Variants in TENM3 observed in about 807,000 individuals in gnomAD.
TENM3 encodes teneurin-3.
In TENM3, 63 loss-of-function variants were observed where a neutral mutation model predicts 255.1. The ratio of observed to expected loss-of-function variants is 0.25; its 90% CI spans 0.20 to 0.30. TENM3 has a LOEUF of 0.30. Among genes scored for constraint, TENM3 ranks in the 10% least tolerant of loss-of-function variants. TENM3 has a pLI of 1.00. For synonymous variants in TENM3, 1,306 were observed against 1,322.3 expected (o/e 0.99, Z 0.27); for missense variants, 2,929 against 3,461.1 (o/e 0.85, Z 3.86).
chr4:182,086,606 A>AT, the TENM3 span, among the ~76,000 whole-genome samples: 653 of 151,900 alleles, frequency 4.3e-3, 3 homozygotes, highest in Non-Finnish European at 6.9e-3. Flanking sequence ...TTTTTTCTTG[A>AT]TTTTTTGCTT....
chr4:181,915,309 A>C, the TENM3 span, among the ~76,000 whole-genome samples: 4 of 152,200 alleles, frequency 2.6e-5, no homozygotes, highest in Non-Finnish European at 5.9e-5. Context: ...TGTTTCCAGC[A>C]CATTCCCTTG....
chr4:182,105,214 A>G, the TENM3 span, among the ~76,000 whole-genome samples: 1 of 152,152 alleles, frequency 6.6e-6, no homozygotes, highest in Non-Finnish European at 1.5e-5. Flanking sequence ...CACTGTCTCA[A>G]ATAAAAATAA....
the TENM3 span, among the ~76,000 whole-genome samples, chr4:181,983,408 T>G: frequency 6.6e-6 from 1 of 152,130 alleles, no homozygotes; most frequent in Non-Finnish European, 1.5e-5. Flanking sequence ...ACACCCTTTC[T>G]CAGGATGACT....
At chr4:181,474,227 A>T in the TENM3 span, among the ~76,000 whole-genome samples, 5 of 152,082 alleles carry the variant, frequency 3.3e-5, 1 homozygote, top group Non-Finnish European at 7.4e-5. Flanking sequence ...TGACAGGTTG[A>T]TGGGTGCAGC....
At chr4:181,464,491 A>T in the TENM3 span, among the ~76,000 whole-genome samples, 10 of 152,188 alleles carry the variant, frequency 6.6e-5, no homozygotes, top group African/African-American at 2.4e-4. Context: ...ATTTTTCATT[A>T]GGCTAATTGT....
chr4:181,488,422 C>T, the TENM3 span, among the ~76,000 whole-genome samples: 1 of 152,114 alleles, frequency 6.6e-6, no homozygotes, highest in African/African-American at 2.4e-5. Context: ...GGATTTGAAA[C>T]AAACCACAGG....
At chr4:182,240,392 C>T (rs944613011), upstream of TENM3, among the ~76,000 whole-genome samples, 5 of 152,124 alleles carry the variant, frequency 3.3e-5, no homozygotes, top group African/African-American at 1.2e-4. Flanking sequence ...TATTTTCTCC[C>T]GGCTATCATC....
At chr4:181,675,625 T>A in the TENM3 span, among the ~76,000 whole-genome samples, 4 of 152,146 alleles carry the variant, frequency 2.6e-5, no homozygotes, top group Non-Finnish European at 5.9e-5. Context: ...GCAGAGACAC[T>A]CTAGGTCCTC....
the TENM3 span, among the ~76,000 whole-genome samples, chr4:181,593,745 G>A: frequency 6.6e-6 from 1 of 152,174 alleles, no homozygotes; most frequent in African/African-American, 2.4e-5. Flanking sequence ...GTCCAGCCTT[G>A]CCAGCAGGCC....
chr4:181,577,572 T>C, the TENM3 span, among the ~76,000 whole-genome samples: 1 of 152,176 alleles, frequency 6.6e-6, no homozygotes, highest in Admixed American at 6.5e-5. Context: ...GAGATAGACG[T>C]TGAACTTCTT....
At chr4:182,031,960 G>T in the TENM3 span, among the ~76,000 whole-genome samples, 2 of 152,122 alleles carry the variant, frequency 1.3e-5, no homozygotes, top group African/African-American at 4.8e-5. Context: ...GGGCTCAGAC[G>T]ATGGGGTTTT....
the TENM3 span, among the ~76,000 whole-genome samples, chr4:181,494,853 C>T: frequency 6.6e-6 from 1 of 152,102 alleles, no homozygotes. Context: ...AATAGGTCCC[C>T]TTCATCTTCA....
chr4:182,423,800 T>C (rs1771011753), intron 3 of TENM3, among the ~76,000 whole-genome samples: 1 of 152,214 alleles, frequency 6.6e-6, no homozygotes, highest in African/African-American at 2.4e-5. Flanking sequence ...TATATTCTAA[T>C]GGACTTCTTA....
intron 13 of TENM3, among the ~76,000 whole-genome samples, chr4:182,717,171 G>A (rs1446327128): frequency 1.3e-5 from 2 of 152,056 alleles, no homozygotes; most frequent in East Asian, 1.9e-4. Flanking sequence ...ACTTCACCCC[G>A]TCAAGTTTGC....
At chr4:182,055,303 C>T in the TENM3 span, among the ~76,000 whole-genome samples, 1 of 151,892 alleles carries the variant, frequency 6.6e-6, no homozygotes, top group Non-Finnish European at 1.5e-5. Context: ...CATGATGGTG[C>T]CACTGCACTC....
At chr4:182,450,178 C>A (rs918654319) in intron 3 of TENM3, among the ~76,000 whole-genome samples, 1 of 152,198 alleles carries the variant, frequency 6.6e-6, no homozygotes, top group African/African-American at 2.4e-5. Flanking sequence ...GTTGTACAAG[C>A]CAAGGTTTTC....
the TENM3 span, among the ~76,000 whole-genome samples, chr4:181,775,333 G>T: frequency 2.6e-5 from 4 of 152,094 alleles, no homozygotes; most frequent in Admixed American, 2.0e-4. Flanking sequence ...TTCTGTGTTT[G>T]ATTTCAATTG....
chr4:182,740,084 A>G (rs1761487686), intron 18 of TENM3, among the ~76,000 whole-genome samples: 1 of 152,186 alleles, frequency 6.6e-6, no homozygotes, highest in Admixed American at 6.5e-5. Flanking sequence ...CCAGGAAATA[A>G]TAGTCTGAGA....
intron 4 of TENM3, among the ~76,000 whole-genome samples, chr4:182,614,966 A>G (rs1471427353): frequency 2.7e-5 from 4 of 149,522 alleles, no homozygotes; most frequent in African/African-American, 9.8e-5. Flanking sequence ...GCATCATCTT[A>G]ATTGTCACTA....
Sources: allele counts gnomAD v4.1 joint callset (sites outside exome capture counted in the v4.1 genomes callset), GRCh38; gene constraint gnomAD v4.1.1; transcripts MANE v1.5; gene names NCBI Gene and HGNC (gene_info 2026-07-23, HGNC 2026-07-21).